The following CD46 variants were observed in gnomAD, a reference collection of about 807,000 sequenced individuals.
CD46 encodes the protein CD46 molecule, also known as membrane cofactor protein.
Under a neutral mutation model 53.3 loss-of-function variants are expected in CD46, and 30 were observed. The ratio of observed to expected loss-of-function variants is 0.56; its 90% CI spans 0.42 to 0.76. The LOEUF (loss-of-function observed/expected upper bound fraction) is 0.76, where lower values mean the gene tolerates loss of function less well. CD46 is among the 30% of genes least tolerant of loss of function. CD46 has a pLI of 0.00. For missense variants in CD46, 409 were observed against 463.0 expected, an observed-to-expected ratio of 0.88 and a Z score of 1.07; for synonymous variants, 142 against 152.0, an observed-to-expected ratio of 0.93 and a Z score of 0.48.
chr1:207,785,148 A>T, intron 10 of CD46, 42 bp downstream of exon 10: 1 of 1,436,972 alleles, frequency 7.0e-7, no homozygotes, highest in Non-Finnish European at 9.8e-7. Context: ...TCAAAAAATT[A>T]TTGTGAAGAC....
At chr1:207,780,528 C>G (rs910341251) in intron 8 of CD46, among the ~76,000 whole-genome samples, 2 of 152,074 alleles carry the variant, frequency 1.3e-5, no homozygotes, top group African/African-American at 4.8e-5. Context: ...GTACACATAT[C>G]TGTTTGAGTT....
Position 207,761,246 on chromosome 1 carries a change from AAG to A in CD46, c.476_477del, listed in dbSNP as rs1257768818. On this transcript the variant is annotated splice_acceptor_variant, in intron 4 of 12. Coordinates refer to ENST00000367042, the MANE Select transcript of CD46 (RefSeq NM_172351.3). LOFTEE classifies it high-confidence loss of function. ...TCCTTTCCTCTTTTTCTTCATTTTT[AAG>A]AGGTTTTGTGTACACCACCTCCAAA... is the stretch of plus-strand genomic sequence containing the variant. 1 of 1,581,786 alleles carries A rather than the reference AAG, an allele frequency of 6.3e-7. No individual in the cohort carries two copies. Among genetic ancestry groups the A allele is most frequent in the Non-Finnish European group, 8.7e-7 (1 of 1,151,798 alleles).
At chr1:207,756,058 G>A (rs999221191) in intron 1 of CD46, among the ~76,000 whole-genome samples, 4 of 152,172 alleles carry the variant, frequency 2.6e-5, no homozygotes, top group African/African-American at 9.7e-5. Context: ...ACTGATCACT[G>A]CTTCCCAGGG....
In CD46 at chr1:207,789,870, G is replaced by GAAA. The variant is rs150136290; in HGVS notation, c.1083-357_1083-355dup. 1.1e-3 allele frequency among the ~76,000 whole-genome samples: 47 copies of GAAA among 43,372 alleles called. 2 individuals carry two copies. The highest frequency in any genetic ancestry group is 3.6e-3 in the African/African-American group (39 of 10,942). 28.5% of individuals were successfully genotyped at this position (43,372 alleles called of 152,430 possible). Reference sequence around the variant, plus strand: ...GCAACATAGTGAGATGCTGTGTCTTGAAAAAAAAAAAAAAAAAAAAAAAAA... The same window carrying GAAA: ...GCAACATAGTGAGATGCTGTGTCTTGAAAAAAAAAAAAAAAAAAAAAAAAAAAA... On this transcript the variant is annotated intron_variant, in intron 11 of 12. Transcript: ENST00000367042.
At chr1:207,765,189 A>G (rs571677381) in intron 5 of CD46, among the ~76,000 whole-genome samples, 2 of 152,218 alleles carry the variant, frequency 1.3e-5, no homozygotes, top group Non-Finnish European at 2.9e-5. Flanking sequence ...TATTAAGGAG[A>G]AAAAAAATCA....
chr1:207,759,525 C>A, intron 3 of CD46, 114 bp from the exon 4 acceptor site: 1 of 649,874 alleles, frequency 1.5e-6, no homozygotes, highest in Admixed American at 2.8e-5. Context: ...TTTAAGAAAC[C>A]ACCCCCTCAA....
chr1:207,765,070 G>T (rs1415044910), intron 5 of CD46, among the ~76,000 whole-genome samples: 1 of 152,086 alleles, frequency 6.6e-6, no homozygotes, highest in Non-Finnish European at 1.5e-5. Flanking sequence ...ACCAAATCCT[G>T]TGATACATAA....
chr1:207,788,218 A>G (rs1227029698), intron 11 of CD46, among the ~76,000 whole-genome samples: 1 of 152,062 alleles, frequency 6.6e-6, no homozygotes, highest in Non-Finnish European at 1.5e-5. Flanking sequence ...TTTAACTCTT[A>G]AAAAACAAAG....
intron 8 of CD46, among the ~76,000 whole-genome samples, chr1:207,777,755 G>T (rs1362530540): frequency 6.6e-6 from 1 of 152,088 alleles, no homozygotes; most frequent in Non-Finnish European, 1.5e-5. Context: ...ACATTCATGT[G>T]CATATATCTT....
In CD46 at chr1:207,790,657, G is replaced by A. The variant is rs41318001; in HGVS notation, c.*41+312G>A. On this transcript the variant is annotated intron_variant, in intron 12 of 12. Transcript: ENST00000367042. ...AAAGTAAGAATTTGTGAGCCAACTG[G>A]GAAATAACCACAGAATCAACTCATT... is the stretch of plus-strand genomic sequence containing the variant. Among the ~76,000 whole-genome samples the A allele has an allele frequency of 1.4e-3, 218 of 152,192 alleles. 1 individual carries two copies. Among genetic ancestry groups the A allele is most frequent in the African/African-American group, 4.9e-3 (202 of 41,510 alleles).
chr1:207,790,890 G>A (rs2102714817), intron 12 of CD46, among the ~76,000 whole-genome samples: 1 of 152,264 alleles, frequency 6.6e-6, no homozygotes, highest in South Asian at 2.1e-4. Flanking sequence ...TAAACCCTTG[G>A]ACCCTGTCCA....
chr1:207,785,235 T>G, intron 10 of CD46, 129 bp downstream of exon 10: 2 of 738,642 alleles, frequency 2.7e-6, no homozygotes, highest in South Asian at 3.1e-5. Flanking sequence ...TAGGAAAACC[T>G]GACTTTTTAT....
intron 8 of CD46, among the ~76,000 whole-genome samples, chr1:207,774,208 CTT>C (rs144357038): frequency 6.7e-6 from 1 of 148,342 alleles, no homozygotes; most frequent in Non-Finnish European, 1.5e-5. Flanking sequence ...ATTGCAACCC[CTT>C]TTTTTTTTGC....
At chr1:207,787,781 G>A (rs1396439790) in intron 11 of CD46, among the ~76,000 whole-genome samples, 1 of 152,170 alleles carries the variant, frequency 6.6e-6, no homozygotes, top group Non-Finnish European at 1.5e-5. Context: ...CCAAAGCTAG[G>A]CTCTCTTTAT....
chr1:207,783,451 C>T (rs982348660), intron 9 of CD46, 121 bp downstream of exon 9: 21 of 707,356 alleles, frequency 3.0e-5, no homozygotes, highest in Non-Finnish European at 5.3e-5. Context: ...TTCTTAAATG[C>T]TGTGTTTGTA....
At chr1:207,790,409 T>C in intron 12 of CD46, 64 bp downstream of exon 12, 1 of 792,120 alleles carries the variant, frequency 1.3e-6, no homozygotes, top group South Asian at 1.4e-5. Flanking sequence ...AGTGGATATA[T>C]AGATATCAAT....
chr1:207,763,450 G>A (rs1656465295), intron 5 of CD46, among the ~76,000 whole-genome samples: 1 of 152,158 alleles, frequency 6.6e-6, no homozygotes, highest in South Asian at 2.1e-4. Context: ...TGGGAGCTAG[G>A]GCTCTCCTCA....
At chr1:207,769,345 GA>G in intron 7 of CD46, 1 of 152,340 alleles carries the variant, frequency 6.6e-6, no homozygotes, top group South Asian at 2.1e-4. Context: ...GGGGCAGGAA[GA>G]GATGAGTTTT....
At chr1:207,773,999 A>G (rs568078253) in intron 8 of CD46, among the ~76,000 whole-genome samples, 1 of 152,150 alleles carries the variant, frequency 6.6e-6, no homozygotes, top group South Asian at 2.1e-4. Context: ...GGCTGCCATT[A>G]TTATTGTGTG....
Sources: gnomAD v4.1 joint callset for allele counts (sites outside exome capture counted in the v4.1 genomes callset) on GRCh38, gnomAD v4.1.1 for gene constraint, MANE v1.5 for transcripts, NCBI Gene and HGNC (gene_info 2026-07-23, HGNC 2026-07-21) for gene names.